The following VPS13B variants were observed in gnomAD, a reference collection of about 807,000 sequenced individuals.
VPS13B encodes vacuolar protein sorting 13 homolog B.
In VPS13B, 285 loss-of-function variants were observed where a neutral mutation model predicts 426.4. That is an observed-to-expected ratio of 0.67 (90% CI 0.61 to 0.74). The LOEUF (loss-of-function observed/expected upper bound fraction) is 0.74. Ranked by LOEUF, VPS13B falls within the 30% of genes least tolerant of loss-of-function variation. VPS13B has a pLI of 0.00. For missense variants in VPS13B, 4,537 were observed against 4,782.6 expected, an observed-to-expected ratio of 0.95 and a Z score of 1.51; for synonymous variants, 1,676 against 1,676.4, an observed-to-expected ratio of 1.00 and a Z score of 0.01.
At chr8:99,630,388 C>T (rs1489087178) in intron 33 of VPS13B, among the ~76,000 whole-genome samples, 1 of 152,092 alleles carries the variant, frequency 6.6e-6, no homozygotes, top group Non-Finnish European at 1.5e-5. Context: ...ATTGTCTCTA[C>T]TGCCATTTCA....
At position 99,247,098 on chromosome 8, in the gene VPS13B, G is replaced by T. The variant is rs925349404; in HGVS notation, c.2516-27100G>T. Among the ~76,000 whole-genome samples the T allele has an allele frequency of 3.3e-5, 5 of 152,044 alleles. No homozygotes were observed. The East Asian group carries it at 9.6e-4, about 29-fold the overall frequency. ...GGGTGTAAGTAAATGTTCGTTAATT[G>T]ACTCTAGTTATTGGCCTTTGGTTAT... On this transcript the variant is annotated intron_variant, in intron 17 of 61. Coordinates refer to ENST00000357162, the MANE Select transcript of VPS13B (RefSeq NM_152564.5).
intron 7 of VPS13B, among the ~76,000 whole-genome samples, chr8:99,118,863 T>G (rs184862134): frequency 5.3e-5 from 8 of 152,356 alleles, no homozygotes; most frequent in Admixed American, 3.9e-4. Context: ...GATATTTTTG[T>G]ACAAATTTCA....
chr8:99,135,588 G>A lies in VPS13B; in HGVS notation c.1426-8G>A. 6.2e-7 allele frequency: 1 copy of A among 1,612,402 alleles called. No individual in the cohort carries two copies. Among genetic ancestry groups the A allele is most frequent in the Non-Finnish European group, 8.5e-7 (1 of 1,178,954 alleles). ...CTTCCCATTTATAAATTTTGCATTT[G>A]TTTTCAGGAAGCCTGTTTCTTCATT... On this transcript the variant is annotated splice_region_variant and splice_polypyrimidine_tract_variant and intron_variant, in intron 10 of 61. Coordinates refer to ENST00000357162, the MANE Select transcript of VPS13B (RefSeq NM_152564.5).
At chr8:99,174,007 C>T (rs909657675) in intron 16 of VPS13B, among the ~76,000 whole-genome samples, 39 of 152,158 alleles carry the variant, frequency 2.6e-4, no homozygotes, top group African/African-American at 9.2e-4. Context: ...TGCCACCATT[C>T]AACTTTCTGT....
intron 19 of VPS13B, among the ~76,000 whole-genome samples, chr8:99,288,751 A>G (rs938491698): frequency 1.3e-5 from 2 of 152,088 alleles, no homozygotes; most frequent in Admixed American, 1.3e-4. Flanking sequence ...TATAGTTGGA[A>G]TTTTATCATT....
At chr8:99,493,885 G>C (rs1241651606) in intron 25 of VPS13B, among the ~76,000 whole-genome samples, 2 of 151,112 alleles carry the variant, frequency 1.3e-5, no homozygotes, top group Non-Finnish European at 2.9e-5. Context: ...ATTTTAAAGA[G>C]AACACAGAGA....
Position 99,364,680 on chromosome 8 carries a change from G to A in VPS13B, c.2825-19528G>A, listed in dbSNP as rs1202360561. Among the ~76,000 whole-genome samples, 3 of 152,198 alleles carry A rather than the reference G, an allele frequency of 2.0e-5. No homozygotes were observed. In the East Asian group the frequency reaches 5.8e-4, roughly 29 times the overall value. ...ACTCATGGCTTGAAGCAATCCCCCT[G>A]CCTCGGCCTCCCAGAGTGCTGGGAT... On this transcript the variant is annotated intron_variant, in intron 19 of 61. Transcript: ENST00000357162.
chr8:99,871,192 G>A, intron 60 of VPS13B: 1 of 616,636 alleles, frequency 1.6e-6, no homozygotes. Context: ...ACTCTAATTA[G>A]AGGTGCTATT....
At chr8:99,618,707 T>C (rs1828214805) in intron 33 of VPS13B, among the ~76,000 whole-genome samples, 1 of 152,214 alleles carries the variant, frequency 6.6e-6, no homozygotes, top group Non-Finnish European at 1.5e-5. Flanking sequence ...CCTGCCCAAC[T>C]CAATAAACCC....
intron 25 of VPS13B, among the ~76,000 whole-genome samples, chr8:99,489,580 G>C (rs76386246): frequency 0.064 from 9,732 of 152,064 alleles, 425 homozygotes; most frequent in African/African-American, 0.12. Flanking sequence ...TTATTTTGTT[G>C]AGCAGTGGTT....
chr8:99,384,230 A>T lies in VPS13B; in HGVS notation c.2847A>T (p.Ile949=), dbSNP rs398124331. 6.2e-7 allele frequency: 1 copy of T among 1,613,986 alleles called. No individual in the cohort carries two copies. Among genetic ancestry groups the T allele is most frequent in the East Asian group, 2.2e-5 (1 of 44,852 alleles). ...TAGGTGCTGTACTTCTTTGCAGTAT[A>T]CAAGGACTAGCAGTTAATATTGACC... ...HNSGAVLLCS[I]QGLAVNIDPI... The change falls in exon 20 of 62, where the codon ATA becomes ATT. Residue 949 remains isoleucine, a synonymous_variant. Coordinates refer to ENST00000357162, the MANE Select transcript of VPS13B (RefSeq NM_152564.5).
chr8:99,148,075 A>AT, intron 14 of VPS13B, 65 bp downstream of exon 14: 2 of 1,266,196 alleles, frequency 1.6e-6, no homozygotes, highest in South Asian at 1.6e-5. Context: ...TTTTTTTGTC[A>AT]TTTACTGAAA....
intron 8 of VPS13B, among the ~76,000 whole-genome samples, chr8:99,128,449 A>G (rs538411522): frequency 4.8e-5 from 7 of 145,858 alleles, no homozygotes; most frequent in African/African-American, 1.8e-4. Context: ...TTCAGCACTT[A>G]GAAATTGCCT....
In VPS13B at chr8:99,391,716, G is replaced by GTAC. The variant is rs1303490742; in HGVS notation, c.3082+14_3082+16dup. 1 of 1,613,654 alleles carries GTAC rather than the reference G, an allele frequency of 6.2e-7. No homozygotes were observed. The highest frequency in any genetic ancestry group is 1.1e-5 in the South Asian group (1 of 91,024). On this transcript the variant is annotated intron_variant, in intron 21 of 61. Transcript: ENST00000357162. ...AAAAACGGTAACAGGTATGTGTCAA[G>GTAC]TACTGTAAAGGGACTATGATTGTAC...
In VPS13B at chr8:99,111,101, C is replaced by T. The variant is rs770738729; in HGVS notation, c.584C>T (p.Thr195Ile). The T allele has an allele frequency of 2.5e-6, 4 of 1,596,132 alleles. No homozygotes were observed. In the East Asian group the frequency reaches 9.1e-5, roughly 36 times the overall value. Residue 195 changes from threonine to isoleucine, a missense_variant, in exon 6 of 62, where the codon ACT becomes ATT. Thr to Ile is a moderately conservative substitution (Grantham distance 89). Coordinates refer to ENST00000357162, the MANE Select transcript of VPS13B (RefSeq NM_152564.5). ...WDRAFMDISA[T>I]DLVLRKVINF... ...AAATGTTTTTTTTTCTTTTTAGCAACTGATTTGGTGCTGAGAAAGGTTATC... is the reference window on the plus strand; with the variant it reads ...AAATGTTTTTTTTTCTTTTTAGCAATTGATTTGGTGCTGAGAAAGGTTATC...
intron 19 of VPS13B, among the ~76,000 whole-genome samples, chr8:99,328,343 G>T (rs1257898679): frequency 2.6e-5 from 4 of 152,152 alleles, no homozygotes; most frequent in Non-Finnish European, 4.4e-5. Context: ...TTATTATAAA[G>T]ATTTCTCCAT....
chr8:99,354,266 C>CTT lies in VPS13B; in HGVS notation c.2825-29904_2825-29903dup, dbSNP rs71273176. 1.1e-3 allele frequency among the ~76,000 whole-genome samples: 24 copies of CTT among 22,190 alleles called. 3 individuals are homozygous for CTT. Among genetic ancestry groups the CTT allele is most frequent in the South Asian group, 1.5e-3 (1 of 654 alleles). The allele number at this position is 22,190 out of a possible 152,430, so 14.6% of individuals were successfully genotyped here. A position where few individuals can be genotyped will look rare whatever the true frequency, so the allele number is the denominator to read the frequency against. ...TTCTACTGTAGCCCCCTCCCCCTGC[C>CTT]TTTTTTTTTTTTTTTTTTTTTTTTT... On this transcript the variant is annotated intron_variant, in intron 19 of 61. Transcript: ENST00000357162.
intron 28 of VPS13B, among the ~76,000 whole-genome samples, chr8:99,509,738 T>C (rs1489071851): frequency 6.6e-6 from 1 of 152,212 alleles, no homozygotes; most frequent in African/African-American, 2.4e-5. Context: ...ACTAACTTTT[T>C]CAGGTGTTGG....
At position 99,820,120 on chromosome 8, in the gene VPS13B, C is replaced by T. The variant is rs966908408; in HGVS notation, c.8992C>T (p.Gln2998Ter). Reference sequence around the variant, plus strand: ...CAAAATTATTATTCCTCCTAATTTTCAGGTACTATAACTTTTTTAACTAAT... The same window carrying T: ...CAAAATTATTATTCCTCCTAATTTTTAGGTACTATAACTTTTTTAACTAAT... ...AGKIIIPPNF[Q>*]EAFQIGIYWA... Residue 2998 changes from glutamine to a stop codon, truncating the protein, a stop_gained and splice_region_variant, in exon 49 of 62, where the codon CAG (glutamine) becomes TAG (stop). Coordinates refer to ENST00000357162, the MANE Select transcript of VPS13B (RefSeq NM_152564.5). LOFTEE classifies it high-confidence loss of function. The T allele has an allele frequency of 6.2e-7, 1 of 1,613,470 alleles. No homozygotes were observed. Among genetic ancestry groups the T allele is most frequent in the Non-Finnish European group, 8.5e-7 (1 of 1,179,574 alleles).
Sources: gnomAD v4.1 joint callset for allele counts (sites outside exome capture counted in the v4.1 genomes callset) on GRCh38, gnomAD v4.1.1 for gene constraint, MANE v1.5 for transcripts, NCBI Gene and HGNC (gene_info 2026-07-23, HGNC 2026-07-21) for gene names.